The following MAGI2 variants were observed in gnomAD, a reference collection of about 807,000 sequenced individuals.
MAGI2 encodes membrane-associated guanylate kinase, WW and PDZ domain-containing protein 2.
A neutral mutation model predicts 133.3 loss-of-function variants in MAGI2; 35 were observed. That is an observed-to-expected ratio of 0.26 (90% confidence interval 0.20 to 0.35). The LOEUF (loss-of-function observed/expected upper bound fraction) is 0.35, where lower values mean the gene tolerates loss of function less well. MAGI2 is among the 10% of genes least tolerant of loss of function. The pLI, the probability that MAGI2 is intolerant of heterozygous loss-of-function variation, is 1.00. For missense variants in MAGI2, 1,636 were observed against 1,863.4 expected (o/e 0.88, Z 2.25); for synonymous variants, 729 against 710.6 (o/e 1.03, Z -0.41).
intron 3 of MAGI2, among the ~76,000 whole-genome samples, chr7:78,625,824 C>T (rs962332678): frequency 3.9e-5 from 6 of 152,134 alleles, no homozygotes; most frequent in Non-Finnish European, 7.4e-5. Context: ...CAATTACCTA[C>T]GTATTCAGTA....
intron 2 of MAGI2, among the ~76,000 whole-genome samples, chr7:78,797,477 A>G (rs1787710588): frequency 6.6e-6 from 1 of 152,106 alleles, no homozygotes; most frequent in South Asian, 2.1e-4. Context: ...GTAGAAGCAG[A>G]GAATGGAGCT....
chr7:78,826,908 A>G (rs925809072), intron 2 of MAGI2, among the ~76,000 whole-genome samples: 6 of 152,130 alleles, frequency 3.9e-5, no homozygotes, highest in Non-Finnish European at 7.4e-5. Flanking sequence ...AATTAAATAA[A>G]TGAATTGCAA....
chr7:78,413,698 T>C (rs1241832759), intron 6 of MAGI2, among the ~76,000 whole-genome samples: 1 of 151,456 alleles, frequency 6.6e-6, no homozygotes, highest in African/African-American at 2.4e-5. Context: ...AGATGAGAGG[T>C]AGGAAAAACC....
At position 78,059,777 on chromosome 7, in the gene MAGI2, A is replaced by ATTTTTTTT. The variant is rs10692094; in HGVS notation, c.3706+19162_3706+19169dup. ...AACAATGCCATATATATATATATATATTTTTTTTCTGGAGTCCCTACAGCA... is the reference window on the plus strand; with the variant it reads ...AACAATGCCATATATATATATATATATTTTTTTTTTTTTTTTCTGGAGTCCCTACAGCA... On this transcript the variant is annotated intron_variant, in intron 21 of 21. Transcript: ENST00000354212. Among the ~76,000 whole-genome samples, 477 of 146,130 alleles carry ATTTTTTTT rather than the reference A, an allele frequency of 3.3e-3. 4 individuals carry two copies. The highest frequency in any genetic ancestry group is 8.8e-3 in the African/African-American group (349 of 39,536).
In MAGI2 at chr7:78,934,305, C is replaced by T. The variant is rs191503754; in HGVS notation, c.418+72785G>A. 2.3e-3 allele frequency among the ~76,000 whole-genome samples: 345 copies of T among 152,150 alleles called. 1 individual carries two copies. Among genetic ancestry groups the T allele is most frequent in the Non-Finnish European group, 9.6e-4 (65 of 67,994 alleles). On this transcript the variant is annotated intron_variant, in intron 2 of 21. Transcript: ENST00000354212. ...TTTCAGTAGAGACAGCGTTTTACTA[C>T]GTTAGCCAGGCTGGGCTCAAACTGC...
intron 2 of MAGI2, among the ~76,000 whole-genome samples, chr7:78,822,117 A>T (rs1307195466): frequency 6.6e-6 from 1 of 152,122 alleles, no homozygotes; most frequent in East Asian, 1.9e-4. Flanking sequence ...TCCTGACTGT[A>T]TAACAAAAGA....
At chr7:79,156,906 G>A (rs1386516779) in intron 1 of MAGI2, among the ~76,000 whole-genome samples, 3 of 152,096 alleles carry the variant, frequency 2.0e-5, no homozygotes, top group East Asian at 3.9e-4. Flanking sequence ...TCAGAGCTAA[G>A]GTACCAGCAG....
chr7:79,180,690 C>A (rs1004868843), intron 1 of MAGI2, among the ~76,000 whole-genome samples: 2 of 151,946 alleles, frequency 1.3e-5, no homozygotes, highest in South Asian at 4.1e-4. Flanking sequence ...TCCCAACAGT[C>A]CCCCAAAGTC....
intron 2 of MAGI2, among the ~76,000 whole-genome samples, chr7:78,990,454 C>T (rs549209978): frequency 5.9e-5 from 9 of 152,146 alleles, no homozygotes; most frequent in East Asian, 1.9e-4. Context: ...ATTCCTCTTA[C>T]GCTCATTACA....
intron 1 of MAGI2, among the ~76,000 whole-genome samples, chr7:79,443,863 T>A (rs1848658551): frequency 6.6e-6 from 1 of 152,118 alleles, no homozygotes; most frequent in African/African-American, 2.4e-5. Context: ...AATTAAATAG[T>A]TTTGTTTCTT....
chr7:78,199,623 G>A (rs3779273), intron 11 of MAGI2, among the ~76,000 whole-genome samples: 61,563 of 152,002 alleles, frequency 0.41, 12,668 homozygotes, highest in South Asian at 0.56. Flanking sequence ...TTAATGCCAC[G>A]CTTCCTCTCA....
intron 21 of MAGI2, chr7:78,065,508 A>T: frequency 1.6e-6 from 1 of 620,936 alleles, no homozygotes; most frequent in Middle Eastern, 2.5e-4. Flanking sequence ...ATTATACATC[A>T]GTTAAAAACA....
At chr7:79,141,593 A>G (rs909307505) in intron 1 of MAGI2, among the ~76,000 whole-genome samples, 9 of 152,190 alleles carry the variant, frequency 5.9e-5, no homozygotes, top group Non-Finnish European at 1.2e-4. Context: ...AAAAGTCAAT[A>G]ATTATTAATG....
At chr7:78,533,066 C>T (rs1295141334) in intron 3 of MAGI2, among the ~76,000 whole-genome samples, 1 of 152,086 alleles carries the variant, frequency 6.6e-6, no homozygotes, top group Non-Finnish European at 1.5e-5. Flanking sequence ...CTCAGCCTCC[C>T]AAGTAGCTGG....
chr7:79,275,969 G>A (rs1835202188), intron 1 of MAGI2, among the ~76,000 whole-genome samples: 1 of 152,092 alleles, frequency 6.6e-6, no homozygotes, highest in Non-Finnish European at 1.5e-5. Flanking sequence ...AATGCACCTG[G>A]TCACCCAAAA....
At chr7:78,430,625 A>C (rs991768904) in intron 6 of MAGI2, among the ~76,000 whole-genome samples, 3 of 152,114 alleles carry the variant, frequency 2.0e-5, no homozygotes, top group African/African-American at 7.2e-5. Flanking sequence ...CAGTTGTTAT[A>C]GGAGGAAATC....
chr7:78,838,718 G>C (rs1192489847), intron 2 of MAGI2, among the ~76,000 whole-genome samples: 2 of 151,808 alleles, frequency 1.3e-5, no homozygotes, highest in Non-Finnish European at 2.9e-5. Flanking sequence ...TATTAATCCA[G>C]AAAGGCTACA....
At chr7:78,076,749 G>C (rs1050222118) in intron 21 of MAGI2, among the ~76,000 whole-genome samples, 1 of 148,858 alleles carries the variant, frequency 6.7e-6, no homozygotes, top group Admixed American at 6.7e-5. Flanking sequence ...GGGAGGCTGA[G>C]GCAGGAGAAT....
intron 3 of MAGI2, among the ~76,000 whole-genome samples, chr7:78,625,222 G>A (rs183282619): frequency 4.6e-5 from 7 of 151,704 alleles, no homozygotes; most frequent in Admixed American, 2.0e-4. Flanking sequence ...GACATCGAGA[G>A]ATAAAAAAAG....
Sources: allele counts gnomAD v4.1 joint callset (sites outside exome capture counted in the v4.1 genomes callset), GRCh38; gene constraint gnomAD v4.1.1; transcripts MANE v1.5; gene names NCBI Gene and HGNC (gene_info 2026-07-23, HGNC 2026-07-21).